The following GLCE variants were observed in gnomAD, a reference collection of about 807,000 sequenced individuals.
GLCE encodes the protein glucuronic acid epimerase, also known as D-glucuronyl C5-epimerase.
Under a neutral mutation model 47.9 loss-of-function variants are expected in GLCE, and 19 were observed. The observed-to-expected ratio is 0.40, with a 90% confidence interval of 0.28 to 0.58. The LOEUF (loss-of-function observed/expected upper bound fraction) is 0.58. Ranked by LOEUF, GLCE falls within the 20% of genes least tolerant of loss-of-function variation. The pLI, the probability that GLCE is intolerant of heterozygous loss-of-function variation, is 0.48. For missense variants in GLCE, 556 were observed against 743.3 expected, an observed-to-expected ratio of 0.75 and a Z score of 2.93; for synonymous variants, 245 against 263.4, an observed-to-expected ratio of 0.93 and a Z score of 0.68.
At chr15:69,183,113 A>G in intron 1 of GLCE, among the ~76,000 whole-genome samples, 1 of 152,204 alleles carries the variant, frequency 6.6e-6, no homozygotes, top group East Asian at 1.9e-4. Context: ...GGGAAGGATC[A>G]GTGGAAGATC....
chr15:69,184,945 T>C (rs1041857465), intron 1 of GLCE, among the ~76,000 whole-genome samples: 11 of 152,236 alleles, frequency 7.2e-5, no homozygotes, highest in Non-Finnish European at 1.3e-4. Flanking sequence ...ATTGACATGA[T>C]TCCTTCTCAT....
At chr15:69,259,545 C>G (rs866519505) in intron 3 of GLCE, among the ~76,000 whole-genome samples, 6 of 152,164 alleles carry the variant, frequency 3.9e-5, no homozygotes, top group Admixed American at 6.5e-5. Context: ...AAGGTCACAG[C>G]CTAATTTTAA....
chr15:69,239,391 G>T lies in GLCE; in HGVS notation c.-13-16403G>T, dbSNP rs74851336. ...CTAGGTCCTTGATGAGCACATAGCT[G>T]CATATATGCTCCAGACTGCCTATTT... On this transcript the variant is annotated intron_variant, in intron 2 of 4. Coordinates refer to ENST00000261858, the MANE Select transcript of GLCE (RefSeq NM_015554.3). Among the ~76,000 whole-genome samples the T allele has an allele frequency of 1.0e-2, 1,518 of 152,240 alleles. 23 individuals carry two copies. The highest frequency in any genetic ancestry group is 0.032 in the African/African-American group (1,342 of 41,534).
intron 2 of GLCE, among the ~76,000 whole-genome samples, chr15:69,234,204 C>T (rs2052563533): frequency 6.6e-6 from 1 of 152,098 alleles, no homozygotes; most frequent in African/African-American, 2.4e-5. Flanking sequence ...TCTCAAACTC[C>T]TGACCTCAGG....
At chr15:69,172,420 T>C (rs1008497015) in intron 1 of GLCE, among the ~76,000 whole-genome samples, 5 of 152,168 alleles carry the variant, frequency 3.3e-5, no homozygotes, top group African/African-American at 9.7e-5. Context: ...CTATTAATAG[T>C]AGATATATCA....
intron 2 of GLCE, among the ~76,000 whole-genome samples, chr15:69,235,093 C>CTTTTTTTTTTTTTTTTTTTT: frequency 1.6e-5 from 1 of 62,878 alleles, no homozygotes; most frequent in Non-Finnish European, 2.6e-5. Flanking sequence ...GAAGATTATT[C>CTTTTTTTTTTTTTTTTTTTT]TTTTTTTTTT....
chr15:69,236,270 A>T (rs1455410493), intron 2 of GLCE, among the ~76,000 whole-genome samples: 1 of 147,948 alleles, frequency 6.8e-6, no homozygotes, highest in East Asian at 1.9e-4. Context: ...AAATTTCTGG[A>T]TTATTATGGC....
intron 3 of GLCE, among the ~76,000 whole-genome samples, chr15:69,259,523 G>C (rs2052982706): frequency 1.3e-5 from 2 of 151,970 alleles, no homozygotes; most frequent in African/African-American, 4.8e-5. Context: ...TTTATATTTT[G>C]GCAAATGGTA....
intron 1 of GLCE, among the ~76,000 whole-genome samples, chr15:69,162,538 G>T (rs1341694812): frequency 6.8e-6 from 1 of 146,530 alleles, no homozygotes; most frequent in East Asian, 2.0e-4. Flanking sequence ...CTTCGTGTCA[G>T]TTTTTTTTTT....
chr15:69,209,517 A>G (rs1308367215), intron 1 of GLCE, among the ~76,000 whole-genome samples: 1 of 152,080 alleles, frequency 6.6e-6, no homozygotes, highest in Non-Finnish European at 1.5e-5. Context: ...TCTGTCCCAC[A>G]TGTGTACCAC....
chr15:69,217,435 C>G (rs2052321871), intron 2 of GLCE, among the ~76,000 whole-genome samples: 2 of 151,082 alleles, frequency 1.3e-5, no homozygotes, highest in African/African-American at 4.8e-5. Flanking sequence ...TTTCCTTTTT[C>G]CCTTCTCTTG....
rs2053169738 is a variant in GLCE, at chr15:69,271,752, AG to A, written c.*2510del. The stretch of plus-strand genomic sequence containing the variant: ...AAACCAGCCAAAAGTTTCTGGATGA[AG>A]GTCAAGTTTGACCTTTTAGGAGTTA... On this transcript the variant is annotated 3_prime_UTR_variant, in exon 5 of 5. Coordinates refer to ENST00000261858, the MANE Select transcript of GLCE (RefSeq NM_015554.3). The A allele has an allele frequency of 1.3e-5, 2 of 152,578 alleles. No homozygotes were observed. The highest frequency in any genetic ancestry group is 4.8e-5 in the African/African-American group (2 of 41,462). 9.5% of individuals were successfully genotyped at this position (152,578 alleles called of 1,614,324 possible).
At chr15:69,228,396 A>G (rs2052477634) in intron 2 of GLCE, among the ~76,000 whole-genome samples, 1 of 152,196 alleles carries the variant, frequency 6.6e-6, no homozygotes, top group Non-Finnish European at 1.5e-5. Flanking sequence ...CTATAAAGTG[A>G]TAGAAGTACT....
At chr15:69,240,410 G>C (rs1312252889) in intron 2 of GLCE, among the ~76,000 whole-genome samples, 1 of 151,870 alleles carries the variant, frequency 6.6e-6, no homozygotes, top group Non-Finnish European at 1.5e-5. Flanking sequence ...ACATACTCTT[G>C]ATATAAAAGG....
chr15:69,188,605 AG>A (rs200179653), intron 1 of GLCE, among the ~76,000 whole-genome samples: 117 of 152,242 alleles, frequency 7.7e-4, no homozygotes, highest in African/African-American at 2.4e-3. Context: ...AAGGTTATTC[AG>A]GTTATCTGTT....
In GLCE at chr15:69,215,306, A is replaced by G. The variant is rs986140054; in HGVS notation, c.-14+4900A>G. Among the ~76,000 whole-genome samples the G allele has an allele frequency of 4.6e-5, 7 of 152,248 alleles. No homozygotes were observed. In the South Asian group the frequency reaches 1.5e-3, roughly 32 times the overall value. Reference sequence around the variant, plus strand: ...AGTTATTAGCCTTTTCCAGAGTATCATATACATGGAATCATATAATATGTA... The same window carrying G: ...AGTTATTAGCCTTTTCCAGAGTATCGTATACATGGAATCATATAATATGTA... On this transcript the variant is annotated intron_variant, in intron 2 of 4. Coordinates refer to ENST00000261858, the MANE Select transcript of GLCE (RefSeq NM_015554.3).
At position 69,219,562 on chromosome 15, in the gene GLCE, A is replaced by G. The variant is rs190293508; in HGVS notation, c.-14+9156A>G. 7.2e-5 allele frequency among the ~76,000 whole-genome samples: 11 copies of G among 152,258 alleles called. No individual in the cohort carries two copies. The East Asian group carries it at 1.4e-3, about 19-fold the overall frequency. ...GTAAGTAATCACAAGACTTGGGTCT[A>G]GTGTTGGTGCAGCCAGAACTAGTTG... On this transcript the variant is annotated intron_variant, in intron 2 of 4. Transcript: ENST00000261858.
At chr15:69,212,895 A>G (rs1336651933) in intron 2 of GLCE, among the ~76,000 whole-genome samples, 1 of 152,106 alleles carries the variant, frequency 6.6e-6, no homozygotes, top group Non-Finnish European at 1.5e-5. Flanking sequence ...TTAGTTGACC[A>G]CTATGGGGTT....
intron 1 of GLCE, among the ~76,000 whole-genome samples, chr15:69,184,809 A>G (rs1391321675): frequency 6.6e-6 from 1 of 152,186 alleles, no homozygotes; most frequent in African/African-American, 2.4e-5. Context: ...GATTCTCTTC[A>G]TACAGTGGGT....
Sources: allele counts gnomAD v4.1 joint callset (sites outside exome capture counted in the v4.1 genomes callset), GRCh38; gene constraint gnomAD v4.1.1; transcripts MANE v1.5; gene names NCBI Gene and HGNC (gene_info 2026-07-23, HGNC 2026-07-21).